MACF1: variants seen among roughly 807,000 people sequenced by gnomAD.
The protein encoded by MACF1 is microtubule actin crosslinking factor 1.
In MACF1, 193 loss-of-function variants were observed where a neutral mutation model predicts 854.8. The ratio of observed to expected loss-of-function variants is 0.23; its 90% CI spans 0.20 to 0.25. The LOEUF is 0.25. Ranked by LOEUF, MACF1 falls within the 10% of genes least tolerant of loss-of-function variation. MACF1 has a pLI of 1.00. For synonymous variants in MACF1, 3,185 were observed against 3,226.7 expected (o/e 0.99, Z 0.44); for missense variants, 7,722 against 8,929.1 (o/e 0.86, Z 5.45).
At chr1:39,150,029 ACTT>A (rs1643544518) in intron 2 of MACF1, among the ~76,000 whole-genome samples, 1 of 151,016 alleles carries the variant, frequency 6.6e-6, no homozygotes. Flanking sequence ...TATATCATGA[ACTT>A]TTTTTTTTTT....
intron 2 of MACF1, among the ~76,000 whole-genome samples, chr1:39,241,076 G>A (rs1425577100): frequency 6.7e-6 from 1 of 149,284 alleles, no homozygotes; most frequent in Non-Finnish European, 1.5e-5. Context: ...TTAGTGTTGG[G>A]CTTTTCCTTG....
intron 2 of MACF1, among the ~76,000 whole-genome samples, chr1:39,106,026 T>TGGGGAG (rs1557456769): frequency 6.6e-6 from 1 of 152,096 alleles, no homozygotes; most frequent in African/African-American, 2.4e-5. Flanking sequence ...GGGGAGTTGC[T>TGGGGAG]GGGGAGGAGG....
chr1:39,263,621 A>G (rs1268578366), intron 6 of MACF1, among the ~76,000 whole-genome samples: 5 of 152,092 alleles, frequency 3.3e-5, no homozygotes, highest in Admixed American at 1.3e-4. Context: ...ATATTATCCT[A>G]AAGTTGATGT....
chr1:39,310,231 C>A lies in MACF1; in HGVS notation c.2917-14C>A, dbSNP rs371280902. 2.6e-5 allele frequency: 41 copies of A among 1,590,304 alleles called. No individual in the cohort carries two copies. The Admixed American group carries it at 7.4e-4, about 29-fold the overall frequency. On this transcript the variant is annotated splice_polypyrimidine_tract_variant and intron_variant, in intron 24 of 100. Coordinates refer to ENST00000564288, the MANE Select transcript of MACF1 (RefSeq NM_001394062.1). ...TTTATTCTGTTGCAATTTCTTCTGG[C>A]TTTTTCTTTCTAGCTTCGATCCTCA... is the stretch of plus-strand genomic sequence containing the variant.
chr1:39,323,089 C>G lies in MACF1; in HGVS notation c.4236+81C>G, dbSNP rs79668525. ...GCACGGTGGTGTGTGCCTGTAGTCT[C>G]TGGTACCCAGGTGGCTGAGTTGGGA... On this transcript the variant is annotated intron_variant, in intron 33 of 100. Coordinates refer to ENST00000564288, the MANE Select transcript of MACF1 (RefSeq NM_001394062.1). The G allele has an allele frequency of 0.044, 59,484 of 1,340,874 alleles. 1,576 individuals are homozygous for G. The highest frequency in any genetic ancestry group is 0.099 in the African/African-American group (6,888 of 69,758). 83.1% of individuals were successfully genotyped at this position (1,340,874 alleles called of 1,614,324 possible).
chr1:39,325,578 G>C (rs1372214298), intron 35 of MACF1, among the ~76,000 whole-genome samples: 2 of 152,192 alleles, frequency 1.3e-5, no homozygotes, highest in Admixed American at 6.5e-5. Flanking sequence ...TAAGTCTCAA[G>C]GACAAAGGGG....
At chr1:39,316,969 C>T (rs1445352458) in intron 28 of MACF1, among the ~76,000 whole-genome samples, 2 of 152,200 alleles carry the variant, frequency 1.3e-5, no homozygotes, top group African/African-American at 4.8e-5. Flanking sequence ...GTGGTGAAGC[C>T]AGGTTTCAAA....
At chr1:39,361,130 A>G in intron 48 of MACF1, 129 bp downstream of exon 48, 2 of 876,666 alleles carry the variant, frequency 2.3e-6, no homozygotes, top group Non-Finnish European at 3.5e-6. Flanking sequence ...AGAAATGATA[A>G]CTAATCTATG....
intron 6 of MACF1, 46 bp from the exon 7 acceptor site, chr1:39,282,162 T>C (rs1022208358): frequency 1.3e-6 from 2 of 1,591,336 alleles, no homozygotes; most frequent in Non-Finnish European, 1.7e-6. Flanking sequence ...GCTAAAAGAC[T>C]TTGTCTTATT....
chr1:39,193,247 GA>G (rs1295422763), intron 2 of MACF1, among the ~76,000 whole-genome samples: 1 of 151,966 alleles, frequency 6.6e-6, no homozygotes, highest in African/African-American at 2.4e-5. Context: ...TTGGCTACCA[GA>G]GTTTCCTGGA....
chr1:39,274,744 C>G (rs1194076891), intron 6 of MACF1, among the ~76,000 whole-genome samples: 2 of 152,186 alleles, frequency 1.3e-5, no homozygotes, highest in East Asian at 3.9e-4. Context: ...AATCCCAATT[C>G]TGCAACTTAC....
chr1:39,384,335 A>G (rs1650503936), intron 56 of MACF1, among the ~76,000 whole-genome samples: 1 of 152,054 alleles, frequency 6.6e-6, no homozygotes, highest in Non-Finnish European at 1.5e-5. Context: ...CACATTTGTC[A>G]TTTCGTGAGG....
chr1:39,195,860 G>C (rs1043179313), intron 2 of MACF1, among the ~76,000 whole-genome samples: 1 of 152,136 alleles, frequency 6.6e-6, no homozygotes, highest in Non-Finnish European at 1.5e-5. Flanking sequence ...TGTGGTGAAC[G>C]AGGGCAGGGT....
Position 39,430,138 on chromosome 1 carries a change from C to T in MACF1, c.17130+70C>T, listed in dbSNP as rs1557650488. 2.6e-6 allele frequency: 4 copies of T among 1,509,938 alleles called. No individual in the cohort carries two copies. In the Admixed American group the frequency reaches 8.9e-5, roughly 34 times the overall value. 93.5% of individuals were successfully genotyped at this position (1,509,938 alleles called of 1,614,324 possible). On this transcript the variant is annotated intron_variant, in intron 65 of 100. Transcript: ENST00000564288. ...TGTCAGAATCCTTAAGTTTTATCAA[C>T]CTTTACCTTAAATATAAACTAAAAA...
chr1:39,411,282 GA>G, intron 58 of MACF1: 1 of 1,614,026 alleles, frequency 6.2e-7, no homozygotes, highest in Non-Finnish European at 8.5e-7. Context: ...GGGAGGAAGA[GA>G]AACTGTCAGA....
intron 44 of MACF1, among the ~76,000 whole-genome samples, chr1:39,356,100 C>G (rs1157299075): frequency 6.6e-6 from 1 of 152,120 alleles, no homozygotes; most frequent in Admixed American, 6.5e-5. Flanking sequence ...ACTGACAACT[C>G]CCACTGTCTT....
intron 2 of MACF1, among the ~76,000 whole-genome samples, chr1:39,109,329 G>T (rs1642333343): frequency 6.6e-6 from 1 of 152,172 alleles, no homozygotes; most frequent in Admixed American, 6.5e-5. Context: ...GGATGCAGTG[G>T]CACGATCTCA....
At chr1:39,138,540 G>A (rs1157845993) in intron 2 of MACF1, among the ~76,000 whole-genome samples, 1 of 150,852 alleles carries the variant, frequency 6.6e-6, no homozygotes, top group Non-Finnish European at 1.5e-5. Flanking sequence ...AGCAGAGATC[G>A]CGCCACTGCA....
intron 2 of MACF1, among the ~76,000 whole-genome samples, chr1:39,173,338 C>CAAAA (rs10636583): frequency 2.0e-5 from 2 of 100,990 alleles, no homozygotes; most frequent in African/African-American, 8.3e-5. Flanking sequence ...GACTCCATCT[C>CAAAA]AAAAAAAAAA....
Sources: gnomAD v4.1 joint callset for allele counts (sites outside exome capture counted in the v4.1 genomes callset) on GRCh38, gnomAD v4.1.1 for gene constraint, MANE v1.5 for transcripts, NCBI Gene and HGNC (gene_info 2026-07-23, HGNC 2026-07-21) for gene names.